RSU1: variants seen among roughly 807,000 people sequenced by gnomAD.
RSU1 encodes rsu-1.
A neutral mutation model predicts 31.1 loss-of-function variants in RSU1; 26 were observed. The ratio of observed to expected loss-of-function variants is 0.84; its 90% CI spans 0.61 to 1.16. The LOEUF (loss-of-function observed/expected upper bound fraction) is 1.16, where lower values mean the gene tolerates loss of function less well. Ranked by LOEUF, RSU1 falls within the 50% of genes most tolerant of loss-of-function variation. The probability of loss-of-function intolerance (pLI) is 0.00; values close to 1 mark genes in which losing one functional copy is unlikely to be tolerated. For synonymous variants in RSU1, 164 were observed against 136.3 expected (o/e 1.20, Z -1.41); for missense variants, 320 against 339.1 (o/e 0.94, Z 0.44).
At position 16,776,819 on chromosome 10, in the gene RSU1, A is replaced by C. The variant is rs983868171; in HGVS notation, c.160+5215T>G. Reference sequence around the variant, plus strand: ...TGGGTCACAAAATTTAAAAAAAAAAAAAAAAACTACTGCCGTATTTAAGCC... The same window carrying C: ...TGGGTCACAAAATTTAAAAAAAAAACAAAAAACTACTGCCGTATTTAAGCC... On this transcript the variant is annotated intron_variant, in intron 3 of 8. Transcript: ENST00000345264. Among the ~76,000 whole-genome samples, 5 of 152,012 alleles carry C rather than the reference A, an allele frequency of 3.3e-5. No individual in the cohort carries two copies. In the East Asian group the frequency reaches 7.7e-4, roughly 23 times the overall value.
At chr10:16,782,340 A>G (rs987718098) in intron 2 of RSU1, among the ~76,000 whole-genome samples, 1 of 152,210 alleles carries the variant, frequency 6.6e-6, no homozygotes, top group Non-Finnish European at 1.5e-5. Flanking sequence ...ATCCAACATG[A>G]CGAGGGCCAG....
At chr10:16,793,877 T>A (rs1242613701) in intron 2 of RSU1, among the ~76,000 whole-genome samples, 1 of 150,992 alleles carries the variant, frequency 6.6e-6, no homozygotes, top group Non-Finnish European at 1.5e-5. Context: ...GCTGGTAAAA[T>A]GTTCTTTTCC....
At chr10:16,712,389 A>G (rs1312746239) in intron 7 of RSU1, among the ~76,000 whole-genome samples, 2 of 151,726 alleles carry the variant, frequency 1.3e-5, no homozygotes, top group East Asian at 3.9e-4. Flanking sequence ...TGTTTTGTAG[A>G]TCCTTTTCCC....
chr10:16,659,319 T>C (rs1285348729), intron 8 of RSU1, among the ~76,000 whole-genome samples: 1 of 151,016 alleles, frequency 6.6e-6, no homozygotes, highest in Non-Finnish European at 1.5e-5. Flanking sequence ...TTTTTTTTTT[T>C]TTTTAGTTCT....
intron 3 of RSU1, among the ~76,000 whole-genome samples, chr10:16,772,641 G>GAAAAAAAAAAAAAAAAAAAAAAAAA (rs60460081): frequency 3.1e-5 from 2 of 64,774 alleles, no homozygotes; most frequent in African/African-American, 1.1e-4. Flanking sequence ...AGTAGAATAT[G>GAAAAAAAAAAAAAAAAAAAAAAAAA]AAAAAAAAAA....
At chr10:16,744,074 G>A (rs58677265) in intron 7 of RSU1, among the ~76,000 whole-genome samples, 54 of 151,074 alleles carry the variant, frequency 3.6e-4, no homozygotes, top group African/African-American at 1.3e-3. Context: ...AGGTTGTAGT[G>A]AGCCATGATC....
At chr10:16,814,191 G>A (rs769797566) in intron 2 of RSU1, among the ~76,000 whole-genome samples, 1 of 152,168 alleles carries the variant, frequency 6.6e-6, no homozygotes, top group Non-Finnish European at 1.5e-5. Context: ...TGTAATGCCA[G>A]CACTTTAGGA....
At chr10:16,785,955 A>G (rs374662363) in intron 2 of RSU1, among the ~76,000 whole-genome samples, 1 of 152,140 alleles carries the variant, frequency 6.6e-6, no homozygotes, top group East Asian at 1.9e-4. Context: ...GTCCCCGATC[A>G]AGGCAACTTC....
At chr10:16,605,462 C>T (rs1434322668) in intron 8 of RSU1, among the ~76,000 whole-genome samples, 2 of 152,160 alleles carry the variant, frequency 1.3e-5, no homozygotes, top group Non-Finnish European at 2.9e-5. Context: ...TTACAAATAT[C>T]CAAATACATG....
chr10:16,812,616 A>G (rs1424936789), intron 2 of RSU1, among the ~76,000 whole-genome samples: 1 of 152,016 alleles, frequency 6.6e-6, no homozygotes, highest in East Asian at 1.9e-4. Context: ...CCATGATCAT[A>G]TTTGTTTATT....
At chr10:16,613,507 G>A (rs192538489) in intron 8 of RSU1, among the ~76,000 whole-genome samples, 6 of 152,292 alleles carry the variant, frequency 3.9e-5, no homozygotes, top group East Asian at 1.9e-4. Flanking sequence ...GGCATCTTTC[G>A]TTTTGATTAG....
chr10:16,730,607 T>C (rs372310166), intron 7 of RSU1, among the ~76,000 whole-genome samples: 1 of 152,196 alleles, frequency 6.6e-6, no homozygotes, highest in East Asian at 1.9e-4. Flanking sequence ...TTTGTTTTAA[T>C]CCACTAGATT....
chr10:16,813,775 T>C (rs1173702183), intron 2 of RSU1, among the ~76,000 whole-genome samples: 1 of 152,194 alleles, frequency 6.6e-6, no homozygotes, highest in Non-Finnish European at 1.5e-5. Flanking sequence ...GCTGGACTAC[T>C]AGAAAACTGT....
intron 7 of RSU1, among the ~76,000 whole-genome samples, chr10:16,725,264 G>C: frequency 6.6e-6 from 1 of 152,170 alleles, no homozygotes; most frequent in East Asian, 1.9e-4. Flanking sequence ...GAGAAAGCAA[G>C]TCATCATTAA....
chr10:16,781,967 C>T lies in RSU1; in HGVS notation c.160+67G>A, dbSNP rs914598358. ...TTAGTTTCTCCCAAGGAAACAGTAACAGACTCAGCAGTGCCATAGGATTAC... is the reference window on the plus strand; with the variant it reads ...TTAGTTTCTCCCAAGGAAACAGTAATAGACTCAGCAGTGCCATAGGATTAC... On this transcript the variant is annotated intron_variant, in intron 3 of 8. Transcript: ENST00000345264. 5.3e-6 allele frequency: 7 copies of T among 1,321,218 alleles called. No individual in the cohort carries two copies. The African/African-American group carries it at 7.4e-5, about 14-fold the overall frequency. 81.8% of individuals were successfully genotyped at this position (1,321,218 alleles called of 1,614,324 possible).
chr10:16,795,236 C>A (rs983010293), intron 2 of RSU1, among the ~76,000 whole-genome samples: 1 of 151,760 alleles, frequency 6.6e-6, no homozygotes, highest in Non-Finnish European at 1.5e-5. Context: ...TGCCTGTAAT[C>A]CCAGCTACTG....
In RSU1 at chr10:16,764,508, C is replaced by G. The variant is rs1263382941; in HGVS notation, c.163G>C (p.Val55Leu). ...TTCAGTTCTGCGATGTTCGGTGGCA[C>G]CACTATGGAAACAAAAATGCTGAGT... ...LVLSHNKLTM[V>L]PPNIAELKNL... Residue 55 changes from valine to leucine, a missense_variant and splice_region_variant, in exon 4 of 9, where the codon GTG (valine) becomes CTG (leucine). Transcript: ENST00000345264. The G allele has an allele frequency of 6.2e-7, 1 of 1,612,208 alleles. No individual in the cohort carries two copies. The highest frequency in any genetic ancestry group is 8.5e-7 in the Non-Finnish European group (1 of 1,179,162).
At chr10:16,616,468 G>C (rs953457731) in intron 8 of RSU1, among the ~76,000 whole-genome samples, 10 of 150,210 alleles carry the variant, frequency 6.7e-5, no homozygotes, top group African/African-American at 2.4e-4. Flanking sequence ...CTTCTGAAAT[G>C]ATTCCAAATA....
rs934434088 is a variant in RSU1, at chr10:16,667,492, A to AT, written c.731+27530dup. Among the ~76,000 whole-genome samples, 392 of 146,366 alleles carry AT rather than the reference A, an allele frequency of 2.7e-3. 1 individual carries two copies. The highest frequency in any genetic ancestry group is 0.01 in the South Asian group (46 of 4,592). ...ATGCCATTAACTCTATTATTTATTA[A>AT]TTTTTTTTTTTTTGAGACAGAGTCT... On this transcript the variant is annotated intron_variant, in intron 8 of 8. Transcript: ENST00000345264.
Sources: allele counts gnomAD v4.1 joint callset (sites outside exome capture counted in the v4.1 genomes callset), GRCh38; gene constraint gnomAD v4.1.1; transcripts MANE v1.5; gene names NCBI Gene and HGNC (gene_info 2026-07-23, HGNC 2026-07-21).